GLIS3: variants seen among roughly 807,000 people sequenced by gnomAD.
GLIS3 encodes GLIS family zinc finger 3, also known as zinc finger protein GLIS3.
In GLIS3, 53 loss-of-function variants were observed where a neutral mutation model predicts 78.6. The observed-to-expected ratio is 0.67, with a 90% CI of 0.54 to 0.85. GLIS3 has a LOEUF of 0.85. Among genes scored for constraint, GLIS3 ranks in the 40% least tolerant of loss-of-function variants. The probability of loss-of-function intolerance (pLI) is 0.00; values close to 1 mark genes in which losing one functional copy is unlikely to be tolerated. For synonymous variants in GLIS3, 684 were observed against 509.9 expected, an observed-to-expected ratio of 1.34 and a Z score of -4.60; for missense variants, 1,703 against 1,231.1, an observed-to-expected ratio of 1.38 and a Z score of -5.74.
At chr9:4,167,090 G>C (rs547534763) in intron 2 of GLIS3, among the ~76,000 whole-genome samples, 1 of 151,702 alleles carries the variant, frequency 6.6e-6, no homozygotes. Context: ...TGGATCCGAA[G>C]GGATAAAGAT....
At chr9:4,143,352 A>T (rs933495152) in intron 2 of GLIS3, among the ~76,000 whole-genome samples, 2 of 152,032 alleles carry the variant, frequency 1.3e-5, no homozygotes, top group Non-Finnish European at 2.9e-5. Flanking sequence ...AGATCACCCG[A>T]GGTCAGGAGT....
intron 1 of GLIS3, among the ~76,000 whole-genome samples, chr9:4,287,751 G>A (rs1587317587): frequency 1.3e-5 from 2 of 152,218 alleles, no homozygotes; most frequent in South Asian, 2.1e-4. Context: ...TCGAGAAAAG[G>A]CTATCAAGGA....
intron 6 of GLIS3, among the ~76,000 whole-genome samples, chr9:3,926,562 A>G (rs879385447): frequency 3.3e-5 from 5 of 150,464 alleles, no homozygotes; most frequent in Admixed American, 3.3e-4. Context: ...CAGCCAATCT[A>G]TATTTTTTCA....
upstream of GLIS3, among the ~76,000 whole-genome samples, chr9:4,349,184 A>G (rs79285113): frequency 8.9e-3 from 1,354 of 152,342 alleles, 22 homozygotes; most frequent in African/African-American, 0.031. Flanking sequence ...TGAACACCCC[A>G]GTTGATAGCA....
At chr9:4,415,370 G>C in the GLIS3 span, among the ~76,000 whole-genome samples, 2 of 152,142 alleles carry the variant, frequency 1.3e-5, no homozygotes, top group East Asian at 3.8e-4. Flanking sequence ...TCATTACCAC[G>C]CATTTGACAT....
chr9:3,942,496 C>G (rs1286933343), intron 4 of GLIS3, among the ~76,000 whole-genome samples: 1 of 152,192 alleles, frequency 6.6e-6, no homozygotes, highest in Non-Finnish European at 1.5e-5. Context: ...TCCAAGAGTT[C>G]AAGTCCACTT....
chr9:4,014,243 G>A (rs981521945), intron 4 of GLIS3, among the ~76,000 whole-genome samples: 1 of 152,146 alleles, frequency 6.6e-6, no homozygotes, highest in African/African-American at 2.4e-5. Flanking sequence ...GAAAAGAACT[G>A]CAGAAGGTTA....
the GLIS3 span, among the ~76,000 whole-genome samples, chr9:4,462,226 G>A: frequency 2.0e-5 from 3 of 152,272 alleles, no homozygotes; most frequent in East Asian, 3.9e-4. Context: ...ACTATTCAAT[G>A]TATGATCTGT....
intron 4 of GLIS3, among the ~76,000 whole-genome samples, chr9:4,076,549 C>G (rs1016050879): frequency 6.6e-6 from 1 of 152,090 alleles, no homozygotes; most frequent in East Asian, 1.9e-4. Flanking sequence ...ATTTAAAATA[C>G]AAATAAGTAG....
the GLIS3 span, among the ~76,000 whole-genome samples, chr9:4,431,178 G>C: frequency 1.5e-4 from 23 of 152,310 alleles, no homozygotes; most frequent in East Asian, 4.2e-3. Flanking sequence ...CCTGTTTTGA[G>C]TCTTAGAATT....
intron 2 of GLIS3, among the ~76,000 whole-genome samples, chr9:4,318,160 C>A (rs975200557): frequency 6.6e-6 from 1 of 151,932 alleles, no homozygotes. Flanking sequence ...GGTCTTGCTG[C>A]GGGAGAAGTG....
chr9:4,090,552 C>T (rs1457545015), intron 4 of GLIS3, among the ~76,000 whole-genome samples: 3 of 152,114 alleles, frequency 2.0e-5, no homozygotes, highest in African/African-American at 7.2e-5. Flanking sequence ...CCACTGAACA[C>T]ATAGCAGTTG....
chr9:4,194,603 A>T (rs984992667), intron 2 of GLIS3, among the ~76,000 whole-genome samples: 7 of 152,162 alleles, frequency 4.6e-5, no homozygotes, highest in African/African-American at 1.7e-4. Flanking sequence ...CAAGAAAGCA[A>T]ATGGAAGCCC....
chr9:4,287,081 T>C (rs1828064415), intron 1 of GLIS3, among the ~76,000 whole-genome samples: 1 of 152,204 alleles, frequency 6.6e-6, no homozygotes, highest in African/African-American at 2.4e-5. Flanking sequence ...ATAAAATTTT[T>C]ATATATCCAC....
chr9:4,470,028 C>T, the GLIS3 span, among the ~76,000 whole-genome samples: 1 of 152,308 alleles, frequency 6.6e-6, no homozygotes, highest in African/African-American at 2.4e-5. Context: ...TTCCTGGACA[C>T]ATACACCCTG....
chr9:4,281,891 A>G (rs1827589350), intron 2 of GLIS3, among the ~76,000 whole-genome samples: 1 of 152,220 alleles, frequency 6.6e-6, no homozygotes, highest in African/African-American at 2.4e-5. Flanking sequence ...TTCTAAATTT[A>G]AAATACCCTG....
chr9:3,868,632 G>T (rs1057124555), intron 8 of GLIS3, among the ~76,000 whole-genome samples: 4 of 152,106 alleles, frequency 2.6e-5, no homozygotes, highest in Non-Finnish European at 4.4e-5. Context: ...CTCTTTGTGG[G>T]TGGATAACAG....
chr9:3,967,517 G>GA (rs983059701), intron 4 of GLIS3, among the ~76,000 whole-genome samples: 18 of 152,016 alleles, frequency 1.2e-4, no homozygotes, highest in African/African-American at 4.3e-4. Flanking sequence ...AAAAGAAAAA[G>GA]AAAGAAAAGA....
rs752036357 is a variant in GLIS3, at chr9:3,826,369, G to A, written c.*1903C>T. ...GCCACTTGTTTAGGCCAAGTGACAC[G>A]ACCCACAAAGTCTGCAGGAAGGGTG... On this transcript the variant is annotated 3_prime_UTR_variant, in exon 11 of 11. Transcript: ENST00000381971. The A allele has an allele frequency of 7.9e-5, 12 of 152,168 alleles. No homozygotes were observed. Among genetic ancestry groups the A allele is most frequent in the Admixed American group, 3.9e-4 (6 of 15,280 alleles). The allele number at this position is 152,168 out of a possible 1,614,324, so 9.4% of individuals were successfully genotyped here.
Sources: gnomAD v4.1 joint callset for allele counts (sites outside exome capture counted in the v4.1 genomes callset) on GRCh38, gnomAD v4.1.1 for gene constraint, MANE v1.5 for transcripts, NCBI Gene and HGNC (gene_info 2026-07-23, HGNC 2026-07-21) for gene names.